Variants in ZNF484 observed in about 807,000 individuals in gnomAD.
ZNF484 encodes KRAB box containing C2H2 type zinc finger bA526D8.4.
A neutral mutation model predicts 12.9 loss-of-function variants in ZNF484; 11 were observed. The ratio of observed to expected loss-of-function variants is 0.85; its 90% CI spans 0.54 to 1.41. The LOEUF (loss-of-function observed/expected upper bound fraction) is 1.41. ZNF484 is among the 40% of genes most tolerant of loss of function. The pLI is 0.00. For missense variants in ZNF484, 807 were observed against 1,007.7 expected (o/e 0.80, Z 2.70); for synonymous variants, 289 against 334.1 (o/e 0.86, Z 1.47).
chr9:92,860,181 A>G (rs899885958), intron 2 of ZNF484, among the ~76,000 whole-genome samples: 1 of 152,206 alleles, frequency 6.6e-6, no homozygotes, highest in African/African-American at 2.4e-5. Flanking sequence ...TCACACTGTC[A>G]TTATATACTA....
chr9:92,872,511 A>AC (rs1315543493), intron 2 of ZNF484, among the ~76,000 whole-genome samples: 6 of 141,048 alleles, frequency 4.3e-5, no homozygotes, highest in Non-Finnish European at 7.7e-5. Flanking sequence ...AAAAAAAAAA[A>AC]AGTTAAAGGA....
chr9:92,876,877 A>G (rs1857848942), intron 1 of ZNF484, among the ~76,000 whole-genome samples: 1 of 152,206 alleles, frequency 6.6e-6, no homozygotes, highest in Non-Finnish European at 1.5e-5. Flanking sequence ...ACCAACAAGC[A>G]AGACTTAATT....
In ZNF484 at chr9:92,844,392, C is replaced by A. The variant is rs1855474956; in HGVS notation, c.*1836G>T. ...TAATAGCTAGGAATTTCCCCAAATG[C>A]ACATGTGCACACACGTACACGCACA... On this transcript the variant is annotated 3_prime_UTR_variant, in exon 5 of 5. Transcript: ENST00000375495. 6.6e-6 allele frequency among the ~76,000 whole-genome samples: 1 copy of A among 152,114 alleles called. No individual in the cohort carries two copies. Among genetic ancestry groups the A allele is most frequent in the Non-Finnish European group, 1.5e-5 (1 of 68,012 alleles).
chr9:92,851,539 C>G (rs186265818), intron 4 of ZNF484, among the ~76,000 whole-genome samples: 1 of 152,196 alleles, frequency 6.6e-6, no homozygotes, highest in African/African-American at 2.4e-5. Context: ...TACTTTTGTG[C>G]CTTTACAAAA....
At chr9:92,858,031 C>A (rs12337654) in intron 2 of ZNF484, among the ~76,000 whole-genome samples, 55,391 of 151,962 alleles carry the variant, frequency 0.36, 10,359 homozygotes, top group Admixed American at 0.42. Context: ...ATGAGCCCTG[C>A]CTACAACTTA....
chr9:92,844,473 C>T lies in ZNF484; in HGVS notation c.*1755G>A, dbSNP rs1587719187. Among the ~76,000 whole-genome samples, 1 of 152,058 alleles carries T rather than the reference C, an allele frequency of 6.6e-6. No individual in the cohort carries two copies. The highest frequency in any genetic ancestry group is 2.4e-5 in the African/African-American group (1 of 41,398). ...CCACAGATTTAAAAAACATTATAAACTCCAAGGAGGATAAATACATGGAAA... is the reference window on the plus strand; with the variant it reads ...CCACAGATTTAAAAAACATTATAAATTCCAAGGAGGATAAATACATGGAAA... On this transcript the variant is annotated 3_prime_UTR_variant, in exon 5 of 5. Coordinates refer to ENST00000375495, the MANE Select transcript of ZNF484 (RefSeq NM_031486.4).
chr9:92,852,529 C>CT (rs760841960), intron 4 of ZNF484, among the ~76,000 whole-genome samples: 18,026 of 63,620 alleles, frequency 0.28, 3,762 homozygotes, highest in African/African-American at 0.55. Flanking sequence ...CACGCCCAGC[C>CT]TTTTTTTTTT....
chr9:92,848,491 G>T lies in ZNF484; in HGVS notation c.296C>A (p.Ser99Tyr). Reference sequence around the variant, plus strand: ...TGTGAAGAGATTAATATTAATCTCAGACTGGAAAGAAACTTCTTCAGACAT... The same window carrying T: ...TGTGAAGAGATTAATATTAATCTCATACTGGAAAGAAACTTCTTCAGACAT... ...QRMSEEVSFQ[S>Y]EININLFTRD... The change falls in exon 5 of 5, where the codon TCT (serine) becomes TAT (tyrosine). Residue 99 changes from serine to tyrosine, a missense_variant. Ser to Tyr is a moderately radical substitution (Grantham distance 144). Transcript: ENST00000375495. This position sits in a 1 kb window ranked among gnomAD's most constrained non-coding sequence, Gnocchi z 4.1. 3 of 1,611,822 alleles carry T rather than the reference G, an allele frequency of 1.9e-6. No individual in the cohort carries two copies. The highest frequency in any genetic ancestry group is 2.5e-6 in the Non-Finnish European group (3 of 1,179,528).
intron 2 of ZNF484, among the ~76,000 whole-genome samples, chr9:92,874,600 C>T (rs1405759907): frequency 6.6e-6 from 1 of 152,186 alleles, no homozygotes; most frequent in African/African-American, 2.4e-5. Flanking sequence ...GTGTGAGCCA[C>T]CGCGCCTGGC....
rs780786630 is a variant in ZNF484 at position 92,855,777 on chromosome 9, A to G, written c.235+34T>C. The G allele has an allele frequency of 2.5e-6, 4 of 1,599,586 alleles. No homozygotes were observed. In the South Asian group the frequency reaches 3.3e-5, roughly 13 times the overall value. On this transcript the variant is annotated intron_variant, in intron 4 of 4. Coordinates refer to ENST00000375495, the MANE Select transcript of ZNF484 (RefSeq NM_031486.4). ...CTCCCAGTACAAATGCAGCTGAGTC[A>G]TACTGTCTACCATGCTCTTGGTTCC...
At position 92,847,400 on chromosome 9, in the gene ZNF484, T is replaced by C. The variant is rs373527154; in HGVS notation, c.1387A>G (p.Thr463Ala). 3.6e-5 allele frequency: 58 copies of C among 1,613,902 alleles called. No individual in the cohort carries two copies. The highest frequency in any genetic ancestry group is 4.9e-5 in the Non-Finnish European group (58 of 1,180,008). ...SQLHVHQRIH[T>A]GENPFICSEC... is the part of the protein sequence containing the mutation. Reference sequence around the variant, plus strand: ...GAACATATAAAGGGATTCTCTCCTGTGTGAATTCGCTGATGCACATGGAGT... The same window carrying C: ...GAACATATAAAGGGATTCTCTCCTGCGTGAATTCGCTGATGCACATGGAGT... The change falls in exon 5 of 5, where the codon ACA (threonine) becomes GCA (alanine). Residue 463 changes from threonine (T) to alanine (A), a missense_variant. By Grantham distance (58) the Thr-to-Ala change is moderately conservative. Coordinates refer to ENST00000375495, the MANE Select transcript of ZNF484 (RefSeq NM_031486.4).
chr9:92,871,463 T>A (rs1857428351), intron 2 of ZNF484, among the ~76,000 whole-genome samples: 1 of 152,122 alleles, frequency 6.6e-6, no homozygotes, highest in Non-Finnish European at 1.5e-5. Context: ...TTTGTGTCAT[T>A]GGAGTTCCAG....
intron 2 of ZNF484, among the ~76,000 whole-genome samples, chr9:92,857,050 C>A (rs1856509761): frequency 6.6e-6 from 1 of 152,154 alleles, no homozygotes; most frequent in Non-Finnish European, 1.5e-5. Context: ...AAATGGTAAA[C>A]TGTGTGGTGT....
At chr9:92,875,101 C>G in intron 1 of ZNF484, 42 bp from the exon 2 acceptor site, 1 of 1,594,648 alleles carries the variant, frequency 6.3e-7, no homozygotes, top group Non-Finnish European at 8.6e-7. Context: ...AGAGAAGGAA[C>G]TGTGCCAATG....
rs1034622279 is a variant in ZNF484 at position 92,844,432 on chromosome 9, C to T, written c.*1796G>A. ...GTACACGCACACGTGCACACACACA[C>T]CCCAAAACCACTAAACCACAGATTT... On this transcript the variant is annotated 3_prime_UTR_variant, in exon 5 of 5. Transcript: ENST00000375495. 6.6e-6 allele frequency among the ~76,000 whole-genome samples: 1 copy of T among 152,068 alleles called. No homozygotes were observed. Among genetic ancestry groups the T allele is most frequent in the Non-Finnish European group, 1.5e-5 (1 of 68,016 alleles).
chr9:92,874,215 A>G (rs1857640512), intron 2 of ZNF484, among the ~76,000 whole-genome samples: 1 of 152,234 alleles, frequency 6.6e-6, no homozygotes, highest in Non-Finnish European at 1.5e-5. Flanking sequence ...TAGCTACTAA[A>G]TCAGAATCTG....
chr9:92,844,554 A>C lies in ZNF484; in HGVS notation c.*1674T>G, dbSNP rs1054116682. Among the ~76,000 whole-genome samples, 1 of 152,222 alleles carries C rather than the reference A, an allele frequency of 6.6e-6. No homozygotes were observed. Among genetic ancestry groups the C allele is most frequent in the African/African-American group, 2.4e-5 (1 of 41,460 alleles). ...GTTAAAAAACAAAGACAAATAGATA[A>C]ATTTCAAAGGAGACAGAAAAGCAGA... On this transcript the variant is annotated 3_prime_UTR_variant, in exon 5 of 5. Coordinates refer to ENST00000375495, the MANE Select transcript of ZNF484 (RefSeq NM_031486.4).
chr9:92,875,368 G>A (rs1857733957), intron 1 of ZNF484, among the ~76,000 whole-genome samples: 1 of 152,140 alleles, frequency 6.6e-6, no homozygotes, highest in Admixed American at 6.5e-5. Flanking sequence ...TGATTTCACA[G>A]GCCCTTCAAG....
Position 92,847,812 on chromosome 9 carries a change from C to T in ZNF484, c.975G>A (p.Gly325=). ...KSNRQKTPYE[G]NYYKCSDYGR... The stretch of plus-strand genomic sequence containing the variant: ...CATAGTCACTGCATTTATAGTAATT[C>T]CCCTCATAAGGAGTTTTCTGACGGT... Residue 325 remains glycine, a synonymous_variant, in exon 5 of 5, where the codon GGG becomes GGA. Coordinates refer to ENST00000375495, the MANE Select transcript of ZNF484 (RefSeq NM_031486.4). The T allele has an allele frequency of 6.2e-7, 1 of 1,614,020 alleles. No homozygotes were observed. Among genetic ancestry groups the T allele is most frequent in the East Asian group, 2.2e-5 (1 of 44,884 alleles).
Sources: allele counts gnomAD v4.1 joint callset (sites outside exome capture counted in the v4.1 genomes callset), GRCh38; gene constraint gnomAD v4.1.1; non-coding constraint Gnocchi (gnomAD v3.1); transcripts MANE v1.5; gene names NCBI Gene and HGNC (gene_info 2026-07-23, HGNC 2026-07-21).